The following STPG2 variants were observed in gnomAD, a reference collection of about 807,000 sequenced individuals.
The protein encoded by STPG2 is sperm tail PG-rich repeat containing 2.
A neutral mutation model predicts 54.2 loss-of-function variants in STPG2; 56 were observed. The observed-to-expected ratio is 1.03, with a 90% CI of 0.83 to 1.29. STPG2 has a LOEUF of 1.29. Among genes scored for constraint, STPG2 ranks in the 50% most tolerant of loss-of-function variants. The pLI is 0.00. For synonymous variants in STPG2, 200 were observed against 181.8 expected (o/e 1.10, Z -0.81); for missense variants, 596 against 544.9 (o/e 1.09, Z -0.93).
chr4:97,950,638 C>T (rs539944468), intron 7 of STPG2, among the ~76,000 whole-genome samples: 1 of 152,256 alleles, frequency 6.6e-6, no homozygotes, highest in South Asian at 2.1e-4. Flanking sequence ...AGTGAAACTG[C>T]CATTGCAAAA....
At chr4:97,953,212 T>C (rs1733540316) in intron 7 of STPG2, among the ~76,000 whole-genome samples, 1 of 152,162 alleles carries the variant, frequency 6.6e-6, no homozygotes, top group Non-Finnish European at 1.5e-5. Flanking sequence ...AGTAATGTTC[T>C]ATGGAGGAGC....
chr4:97,604,416 A>G (rs1158469651), intron 10 of STPG2, among the ~76,000 whole-genome samples: 1 of 151,778 alleles, frequency 6.6e-6, no homozygotes, highest in African/African-American at 2.4e-5. Context: ...CCAACAATTT[A>G]GGTTTCTAGT....
intron 4 of STPG2, among the ~76,000 whole-genome samples, chr4:97,456,891 C>CAAAAAAAA (rs57563048): frequency 6.1e-5 from 3 of 48,892 alleles, no homozygotes; most frequent in African/African-American, 3.4e-4. Flanking sequence ...TGCTCCGTCT[C>CAAAAAAAA]AAAAAAAAAA....
At chr4:97,564,018 A>T (rs185953430) in intron 10 of STPG2, among the ~76,000 whole-genome samples, 84 of 152,244 alleles carry the variant, frequency 5.5e-4, no homozygotes, top group African/African-American at 2.0e-3. Context: ...GATCTGTCTA[A>T]TGTTGACAGT....
intron 6 of STPG2, among the ~76,000 whole-genome samples, chr4:97,978,349 G>A (rs747541174): frequency 6.6e-6 from 1 of 152,188 alleles, no homozygotes; most frequent in African/African-American, 2.4e-5. Context: ...ATGAGATCAA[G>A]TCCTTTGCAG....
intron 8 of STPG2, among the ~76,000 whole-genome samples, chr4:97,881,069 A>G (rs988398484): frequency 1.3e-5 from 2 of 152,056 alleles, no homozygotes; most frequent in Non-Finnish European, 2.9e-5. Context: ...CAGGAAATAA[A>G]GGAAGTGGGC....
intron 4 of STPG2, among the ~76,000 whole-genome samples, chr4:97,486,894 CACAA>C (rs1413222483): frequency 1.4e-3 from 213 of 147,636 alleles, no homozygotes; most frequent in African/African-American, 5.1e-3. Flanking sequence ...CACACACACA[CACAA>C]TGGAATACTA....
intron 8 of STPG2, among the ~76,000 whole-genome samples, chr4:97,904,857 G>T (rs1339668389): frequency 6.6e-6 from 1 of 152,190 alleles, no homozygotes; most frequent in Non-Finnish European, 1.5e-5. Context: ...AAGGGTATCA[G>T]CGATGGAAGA....
chr4:97,609,783 C>T (rs1169946909), intron 10 of STPG2, among the ~76,000 whole-genome samples: 1 of 151,838 alleles, frequency 6.6e-6, no homozygotes, highest in Non-Finnish European at 1.5e-5. Context: ...CAGATTAAAT[C>T]ATGTAAGAAT....
intron 7 of STPG2, among the ~76,000 whole-genome samples, chr4:97,967,833 C>T (rs994663866): frequency 7.9e-5 from 12 of 152,068 alleles, no homozygotes; most frequent in African/African-American, 2.7e-4. Context: ...CACAACATAC[C>T]AGAATCTCTG....
At chr4:97,796,525 A>G (rs1727186984) in intron 9 of STPG2, among the ~76,000 whole-genome samples, 1 of 152,036 alleles carries the variant, frequency 6.6e-6, no homozygotes, top group Admixed American at 6.5e-5. Context: ...GTGTGGTATT[A>G]TTTCTGAGGG....
At chr4:97,740,073 A>T (rs1173548623) in intron 9 of STPG2, among the ~76,000 whole-genome samples, 1 of 152,166 alleles carries the variant, frequency 6.6e-6, no homozygotes, top group Non-Finnish European at 1.5e-5. Flanking sequence ...ACAAATCAAT[A>T]AATGTAATCC....
chr4:97,722,095 GAAAA>G (rs1205518616), intron 9 of STPG2, among the ~76,000 whole-genome samples: 1 of 137,080 alleles, frequency 7.3e-6, no homozygotes, highest in African/African-American at 2.7e-5. Context: ...TCCAGGAGGG[GAAAA>G]AAAAAAAAAG....
At chr4:97,518,912 C>A (rs1024828080) in intron 4 of STPG2, among the ~76,000 whole-genome samples, 3 of 152,110 alleles carry the variant, frequency 2.0e-5, no homozygotes, top group African/African-American at 4.8e-5. Flanking sequence ...GGAACATTAA[C>A]AAGTTTTGAT....
intron 8 of STPG2, among the ~76,000 whole-genome samples, chr4:97,860,622 G>T (rs889886834): frequency 6.6e-6 from 1 of 151,936 alleles, no homozygotes; most frequent in Non-Finnish European, 1.5e-5. Context: ...TGTGAACACT[G>T]ATTTTGTATA....
intron 10 of STPG2, among the ~76,000 whole-genome samples, chr4:97,684,338 A>C (rs968165022): frequency 6.6e-6 from 1 of 151,946 alleles, no homozygotes; most frequent in African/African-American, 2.4e-5. Context: ...TTCAAGTCTA[A>C]CTATAAAGTA....
chr4:97,903,154 T>C (rs898616053), intron 8 of STPG2, among the ~76,000 whole-genome samples: 1 of 152,282 alleles, frequency 6.6e-6, no homozygotes, highest in Non-Finnish European at 1.5e-5. Context: ...GCATAGTGAC[T>C]GTAATAATAA....
intron 8 of STPG2, among the ~76,000 whole-genome samples, chr4:97,881,667 T>G (rs1402904737): frequency 6.6e-6 from 1 of 152,116 alleles, no homozygotes; most frequent in African/African-American, 2.4e-5. Context: ...CAGAGAAGAT[T>G]TAGACTAAAA....
At chr4:97,741,136 C>G (rs1383272327) in intron 9 of STPG2, among the ~76,000 whole-genome samples, 1 of 151,932 alleles carries the variant, frequency 6.6e-6, no homozygotes, top group Non-Finnish European at 1.5e-5. Flanking sequence ...TTAATAAATG[C>G]TGCTGGAAAA....
Sources: allele counts gnomAD v4.1 joint callset (sites outside exome capture counted in the v4.1 genomes callset), GRCh38; gene constraint gnomAD v4.1.1; transcripts MANE v1.5; gene names NCBI Gene and HGNC (gene_info 2026-07-23, HGNC 2026-07-21).